SAMD5: variants seen among roughly 807,000 people sequenced by gnomAD.
The protein encoded by SAMD5 is sterile alpha motif domain containing 5.
In SAMD5, 13 loss-of-function variants were observed where a neutral mutation model predicts 11.3. That is an observed-to-expected ratio of 1.15 (90% CI 0.75 to 1.83). The LOEUF (loss-of-function observed/expected upper bound fraction) is 1.83. Ranked by LOEUF, SAMD5 falls within the 40% of genes most tolerant of loss-of-function variation. The pLI, the probability that SAMD5 is intolerant of heterozygous loss-of-function variation, is 0.00. For missense variants in SAMD5, 255 were observed against 239.1 expected, an observed-to-expected ratio of 1.07 and a Z score of -0.44; for synonymous variants, 129 against 111.3, an observed-to-expected ratio of 1.16 and a Z score of -1.00.
rs1399325352 is a variant in SAMD5, at chr6:147,567,230, A to G, written c.*2774A>G. On this transcript the variant is annotated 3_prime_UTR_variant, in exon 2 of 2. Transcript: ENST00000367474. ...TCCTTACCCAAGTGGGAGCTGAACC[A>G]GTAATTGTGGGGAAAACTGAATTTA... The G allele has an allele frequency of 3.6e-5, 35 of 985,274 alleles. No homozygotes were observed. Among genetic ancestry groups the G allele is most frequent in the Non-Finnish European group, 4.2e-5 (35 of 829,878 alleles). The allele number at this position is 985,274 out of a possible 1,614,324, so 61.0% of individuals were successfully genotyped here. A position where few individuals can be genotyped will look rare whatever the true frequency, so the allele number is the denominator to read the frequency against.
At chr6:147,785,023 GC>G in the SAMD5 span, among the ~76,000 whole-genome samples, 7 of 151,692 alleles carry the variant, frequency 4.6e-5, no homozygotes, top group Non-Finnish European at 7.4e-5. Flanking sequence ...TAAAGTTATG[GC>G]CCCAGATTAT....
the SAMD5 span, among the ~76,000 whole-genome samples, chr6:147,816,281 C>CAAAA: frequency 5.0e-4 from 14 of 27,832 alleles, 3 homozygotes; most frequent in South Asian, 2.4e-3. Context: ...ACTCCGTCTC[C>CAAAA]AAAAAAAAAA....
At chr6:147,676,331 T>A (rs1790863118) in intron 1 of SAMD5, among the ~76,000 whole-genome samples, 1 of 152,048 alleles carries the variant, frequency 6.6e-6, no homozygotes, top group African/African-American at 2.4e-5. Context: ...ATTCTTCAAA[T>A]GCAAGCTCAC....
chr6:147,948,553 G>A, the SAMD5 span, among the ~76,000 whole-genome samples: 2 of 152,088 alleles, frequency 1.3e-5, no homozygotes, highest in African/African-American at 4.8e-5. Flanking sequence ...ATTTGGTTTA[G>A]CTATATTCTG....
chr6:147,757,849 C>T, the SAMD5 span, among the ~76,000 whole-genome samples: 13,299 of 152,114 alleles, frequency 0.087, 650 homozygotes, highest in Non-Finnish European at 0.1. Flanking sequence ...ATCTTAACAT[C>T]GGTTCTACCT....
chr6:147,619,477 T>C (rs756978097), intron 1 of SAMD5, among the ~76,000 whole-genome samples: 40 of 152,298 alleles, frequency 2.6e-4, no homozygotes, highest in African/African-American at 9.1e-4. Flanking sequence ...GAGGCAGATA[T>C]GTGGATACTT....
chr6:147,508,783 C>T lies in SAMD5; in HGVS notation c.-146C>T, dbSNP rs370573324. On this transcript the variant is annotated 5_prime_UTR_variant, in exon 1 of 2. Transcript: ENST00000367474. ...GCTTCTTCTGATGGTTTTCCGTCTC[C>T]TGCCCGAGCCTTTCCTTTAAAAGGA... 5.5e-4 allele frequency: 695 copies of T among 1,272,884 alleles called. 10 individuals are homozygous for T. In the South Asian group the frequency reaches 0.011, roughly 20 times the overall value. 78.8% of individuals were successfully genotyped at this position (1,272,884 alleles called of 1,614,324 possible).
the SAMD5 span, among the ~76,000 whole-genome samples, chr6:147,862,874 G>A: frequency 2.6e-5 from 4 of 151,780 alleles, no homozygotes; most frequent in South Asian, 6.3e-4. Flanking sequence ...TTTTTTTGTG[G>A]TCAGATTTTA....
intron 1 of SAMD5, among the ~76,000 whole-genome samples, chr6:147,530,280 T>C (rs1405888973): frequency 6.6e-6 from 1 of 152,244 alleles, no homozygotes; most frequent in Non-Finnish European, 1.5e-5. Flanking sequence ...GAGGAGAAAT[T>C]ATTTTTGGCA....
chr6:147,600,724 G>C (rs996732896), intron 1 of SAMD5, among the ~76,000 whole-genome samples: 1 of 152,194 alleles, frequency 6.6e-6, no homozygotes, highest in South Asian at 2.1e-4. Flanking sequence ...GTCAAGACTT[G>C]ATCACAGGGT....
the SAMD5 span, among the ~76,000 whole-genome samples, chr6:147,846,206 G>C: frequency 6.6e-6 from 1 of 152,100 alleles, no homozygotes; most frequent in Non-Finnish European, 1.5e-5. Context: ...ATAGATTCAT[G>C]GTTTCCAAAG....
intron 1 of SAMD5, among the ~76,000 whole-genome samples, chr6:147,618,491 T>C (rs1240435217): frequency 2.0e-5 from 3 of 152,044 alleles, no homozygotes; most frequent in African/African-American, 7.2e-5. Context: ...CCTACAAGAG[T>C]ACTTTGCAGC....
At chr6:147,871,773 G>A in the SAMD5 span, among the ~76,000 whole-genome samples, 3 of 152,094 alleles carry the variant, frequency 2.0e-5, no homozygotes, top group African/African-American at 7.2e-5. Context: ...TGATTACACC[G>A]TTCAAAAATC....
the SAMD5 span, among the ~76,000 whole-genome samples, chr6:147,814,919 C>T: frequency 0.14 from 21,026 of 151,916 alleles, 1,616 homozygotes; most frequent in Middle Eastern, 0.19. Context: ...TGGGAGAAAT[C>T]ATGGAGAAAG....
the SAMD5 span, among the ~76,000 whole-genome samples, chr6:147,809,070 T>A: frequency 6.6e-6 from 1 of 152,178 alleles, no homozygotes; most frequent in Admixed American, 6.6e-5. Flanking sequence ...GAATTTAACA[T>A]CTTATAGTAA....
chr6:147,901,091 C>T, the SAMD5 span, among the ~76,000 whole-genome samples: 6 of 152,064 alleles, frequency 3.9e-5, no homozygotes, highest in African/African-American at 9.7e-5. Context: ...TCACTCTGAG[C>T]GAGTCAGTTA....
chr6:147,909,632 C>CTCTCTCTCTCTT, the SAMD5 span, among the ~76,000 whole-genome samples: 1 of 61,160 alleles, frequency 1.6e-5, no homozygotes, highest in African/African-American at 1.2e-4. Flanking sequence ...TTCTTTCTTT[C>CTCTCTCTCTCTT]TCTTTCTTGT....
At chr6:147,726,555 G>A (rs183671146) in intron 1 of SAMD5, among the ~76,000 whole-genome samples, 247 of 152,282 alleles carry the variant, frequency 1.6e-3, no homozygotes, top group Middle Eastern at 3.4e-3. Flanking sequence ...CCCAGGCCCC[G>A]GCCCTCACAT....
At chr6:147,781,749 T>C in the SAMD5 span, among the ~76,000 whole-genome samples, 1 of 143,186 alleles carries the variant, frequency 7.0e-6, no homozygotes, top group Non-Finnish European at 1.5e-5. Context: ...AATTTGTATA[T>C]ATAATGTATA....
Sources: allele counts gnomAD v4.1 joint callset (sites outside exome capture counted in the v4.1 genomes callset), GRCh38; gene constraint gnomAD v4.1.1; transcripts MANE v1.5; gene names NCBI Gene and HGNC (gene_info 2026-07-23, HGNC 2026-07-21).